Variants in CELF1 observed in about 807,000 individuals in gnomAD.
CELF1 encodes the protein CUGBP Elav-like family member 1, also known as 50 kDa nuclear polyadenylated RNA-binding protein.
In CELF1, 10 loss-of-function variants were observed where a neutral mutation model predicts 61.8. That is an observed-to-expected ratio of 0.16 (90% CI 0.10 to 0.27). The LOEUF is 0.27. CELF1 is among the 10% of genes least tolerant of loss of function. The probability of loss-of-function intolerance (pLI) is 1.00; values close to 1 mark genes in which losing one functional copy is unlikely to be tolerated. For missense variants in CELF1, 380 were observed against 639.1 expected, an observed-to-expected ratio of 0.59 and a Z score of 4.37; for synonymous variants, 236 against 225.1, an observed-to-expected ratio of 1.05 and a Z score of -0.43.
chr11:47,467,508 C>G lies in CELF1; in HGVS notation c.*4722G>C, dbSNP rs1380633662. 1 of 152,344 alleles carries G rather than the reference C, an allele frequency of 6.6e-6. No individual in the cohort carries two copies. The highest frequency in any genetic ancestry group is 2.4e-5 in the African/African-American group (1 of 41,442). The allele number at this position is 152,344 out of a possible 1,614,324, so 9.4% of individuals were successfully genotyped here. A position where few individuals can be genotyped will look rare whatever the true frequency, so the allele number is the denominator to read the frequency against. ...GGTGGCTGGTGCCCAGGGCTGTAAA[C>G]AGTGTGAAGACTGTAGTATTGTGCT... On this transcript the variant is annotated 3_prime_UTR_variant, in exon 15 of 15. Transcript: ENST00000687097.
chr11:47,556,373 A>T (rs990725714), upstream of CELF1, among the ~76,000 whole-genome samples: 4 of 152,128 alleles, frequency 2.6e-5, no homozygotes, highest in Non-Finnish European at 5.9e-5. Flanking sequence ...TTGTAGAGAC[A>T]GGGGTCTCAC....
chr11:47,546,899 C>A (rs11039286), intron 1 of CELF1, among the ~76,000 whole-genome samples: 1 of 151,438 alleles, frequency 6.6e-6, no homozygotes, highest in Non-Finnish European at 1.5e-5. Flanking sequence ...ACCTCCGTCT[C>A]TACTAAAAAT....
Position 47,549,816 on chromosome 11 carries a change from TTTTG to T in CELF1, c.-154+3172_-154+3175del, listed in dbSNP as rs1201975154. Among the ~76,000 whole-genome samples the T allele has an allele frequency of 1.5e-4, 20 of 134,640 alleles. No individual in the cohort carries two copies. The Admixed American group carries it at 1.6e-3, about 11-fold the overall frequency. 88.3% of individuals were successfully genotyped at this position (134,640 alleles called of 152,430 possible). Reference sequence around the variant, plus strand: ...TAAGTTAGTAAATGTTGTGGGTTTTTTTTGTTTTTTTTTTTTCTGAGACAGAGTC... The same window carrying T: ...TAAGTTAGTAAATGTTGTGGGTTTTTTTTTTTTTTTTTCTGAGACAGAGTC... On this transcript the variant is annotated intron_variant, in intron 1 of 14. Transcript: ENST00000687097.
rs1207392673 is a variant in CELF1, at chr11:47,470,293, T to C, written c.*1937A>G. ...CCAACCTAGCATTTTTTTCTTTTTTTTTTTTGTTTTCTTTTTTCTTTTTTA... is the reference window on the plus strand; with the variant it reads ...CCAACCTAGCATTTTTTTCTTTTTTCTTTTTGTTTTCTTTTTTCTTTTTTA... On this transcript the variant is annotated 3_prime_UTR_variant, in exon 15 of 15. Transcript: ENST00000687097. 1 of 152,108 alleles carries C rather than the reference T, an allele frequency of 6.6e-6. No homozygotes were observed. The allele number at this position is 152,108 out of a possible 1,614,324, so 9.4% of individuals were successfully genotyped here. A position where few individuals can be genotyped will look rare whatever the true frequency, so the allele number is the denominator to read the frequency against.
chr11:47,561,201 T>C (rs2097223986), intron 2 of CELF1, among the ~76,000 whole-genome samples: 1 of 150,294 alleles, frequency 6.7e-6, no homozygotes, highest in South Asian at 2.1e-4. Context: ...TCCCAGCATT[T>C]TGGGAGGCCG....
chr11:47,478,795 C>T (rs928781582), intron 10 of CELF1, 82 bp downstream of exon 10: 14 of 1,137,854 alleles, frequency 1.2e-5, no homozygotes, highest in African/African-American at 3.1e-5. Flanking sequence ...TTCACAGAAA[C>T]GATGCCAAAC....
chr11:47,486,491 C>G (rs2087213632), intron 6 of CELF1, among the ~76,000 whole-genome samples: 1 of 151,844 alleles, frequency 6.6e-6, no homozygotes, highest in Middle Eastern at 3.4e-3. Flanking sequence ...CTCATTGCAA[C>G]CTCCGCCTCC....
chr11:47,471,357 T>C lies in CELF1; in HGVS notation c.*873A>G, dbSNP rs974692758. ...GAAGGAAACCAGGCAATGTATTCCA[T>C]AGAGGCCTTTAAAGAGACCCGTTGG... On this transcript the variant is annotated 3_prime_UTR_variant, in exon 15 of 15. Transcript: ENST00000687097. 5 of 152,180 alleles carry C rather than the reference T, an allele frequency of 3.3e-5. No individual in the cohort carries two copies. Among genetic ancestry groups the C allele is most frequent in the African/African-American group, 7.2e-5 (3 of 41,450 alleles). The allele number at this position is 152,180 out of a possible 1,614,324, so 9.4% of individuals were successfully genotyped here.
intron 3 of CELF1, among the ~76,000 whole-genome samples, chr11:47,489,985 C>CTGGA (rs2090527247): frequency 1.1e-5 from 1 of 91,454 alleles, no homozygotes; most frequent in African/African-American, 4.2e-5. Flanking sequence ...GTTGCCCAGG[C>CTGGA]TGGAGTGTAA....
intron 1 of CELF1, among the ~76,000 whole-genome samples, chr11:47,506,287 G>A (rs1244711645): frequency 6.6e-6 from 1 of 150,934 alleles, no homozygotes; most frequent in Admixed American, 6.7e-5. Context: ...TTAGCCAGGC[G>A]TGGTGGCACA....
intron 6 of CELF1, among the ~76,000 whole-genome samples, chr11:47,484,982 GTC>G (rs1390400767): frequency 1.3e-5 from 2 of 152,076 alleles, no homozygotes; most frequent in Non-Finnish European, 2.9e-5. Context: ...CCGGCTTCAC[GTC>G]TCTTTTTATA....
At chr11:47,558,605 T>C (rs1278044472) in intron 2 of CELF1, among the ~76,000 whole-genome samples, 1 of 109,206 alleles carries the variant, frequency 9.2e-6, no homozygotes, top group Non-Finnish European at 1.8e-5. Context: ...TATATATGTA[T>C]AAAATATGTG....
At chr11:47,488,213 G>A (rs529564550) in intron 4 of CELF1, among the ~76,000 whole-genome samples, 11 of 152,240 alleles carry the variant, frequency 7.2e-5, no homozygotes, top group African/African-American at 2.4e-4. Context: ...GTGTATATAC[G>A]GGGCAAAGTT....
intron 1 of CELF1, among the ~76,000 whole-genome samples, chr11:47,538,370 G>A (rs180834436): frequency 2.0e-5 from 3 of 152,268 alleles, no homozygotes; most frequent in Non-Finnish European, 2.9e-5. Flanking sequence ...TTGGCTGGGC[G>A]TGGTGGCTCA....
intron 2 of CELF1, among the ~76,000 whole-genome samples, chr11:47,560,184 G>C (rs2097220971): frequency 6.6e-6 from 1 of 152,052 alleles, no homozygotes; most frequent in Admixed American, 6.6e-5. Flanking sequence ...CCAGCTACTG[G>C]GGAGGCTGAG....
intron 9 of CELF1, among the ~76,000 whole-genome samples, chr11:47,481,256 C>T (rs1297324969): frequency 2.6e-5 from 4 of 151,402 alleles, no homozygotes; most frequent in African/African-American, 9.7e-5. Context: ...GCTTCCCGAG[C>T]AGCTGGGATT....
intron 3 of CELF1, chr11:47,495,950 T>C (rs945757626): frequency 1.0e-6 from 1 of 983,924 alleles, no homozygotes; most frequent in African/African-American, 1.7e-5. Context: ...TACCAATCCC[T>C]CCACCTCCCC....
At chr11:47,554,119 C>G (rs561868213), upstream of CELF1, among the ~76,000 whole-genome samples, 70 of 152,218 alleles carry the variant, frequency 4.6e-4, no homozygotes, top group Non-Finnish European at 7.8e-4. Flanking sequence ...CTGATTATAT[C>G]CTACCTTACC....
chr11:47,545,870 CGTGT>C (rs71042682), intron 1 of CELF1, among the ~76,000 whole-genome samples: 16 of 91,794 alleles, frequency 1.7e-4, no homozygotes, highest in African/African-American at 7.4e-4. Flanking sequence ...TGTGTGTCTG[CGTGT>C]GTGTGTGTGT....
Sources: allele counts gnomAD v4.1 joint callset (sites outside exome capture counted in the v4.1 genomes callset), GRCh38; gene constraint gnomAD v4.1.1; transcripts MANE v1.5; gene names NCBI Gene and HGNC (gene_info 2026-07-23, HGNC 2026-07-21).